SHTN1: variants seen among roughly 807,000 people sequenced by gnomAD.
The protein encoded by SHTN1 is shootin 1, also known as shootin-1.
SHTN1 carries 42 observed loss-of-function variants against 83.1 expected under a neutral mutation model. The ratio of observed to expected loss-of-function variants is 0.51; its 90% CI spans 0.39 to 0.65. The LOEUF is 0.65. Among genes scored for constraint, SHTN1 ranks in the 30% least tolerant of loss-of-function variants. The pLI is 0.00. For missense variants in SHTN1, 622 were observed against 737.8 expected (o/e 0.84, Z 1.82); for synonymous variants, 224 against 247.7 (o/e 0.90, Z 0.90).
intron 9 of SHTN1, among the ~76,000 whole-genome samples, chr10:116,930,257 T>G (rs914400385): frequency 6.6e-6 from 1 of 152,118 alleles, no homozygotes. Flanking sequence ...TATTTTAGGT[T>G]CGGGGTACAT....
chr10:116,908,578 C>T (rs148255500), intron 14 of SHTN1, among the ~76,000 whole-genome samples: 32 of 152,292 alleles, frequency 2.1e-4, no homozygotes, highest in African/African-American at 7.7e-4. Flanking sequence ...ACATGGTCAT[C>T]ACTACTAAAA....
rs1344984527 is a variant in SHTN1 at position 117,017,478 on chromosome 10, G to A, written c.-123+30967C>T. Among the ~76,000 whole-genome samples the A allele has an allele frequency of 4.3e-3, 504 of 117,356 alleles. 4 individuals are homozygous for A. Among genetic ancestry groups the A allele is most frequent in the African/African-American group, 0.015 (479 of 31,728 alleles). The allele number at this position is 117,356 out of a possible 152,430, so 77.0% of individuals were successfully genotyped here. On this transcript the variant is annotated intron_variant, in intron 2 of 17. Coordinates refer to the SHTN1 transcript ENST00000392901. The stretch of plus-strand genomic sequence containing the variant: ...TGCACTCCAGCCTGGGCGACAGAGC[G>A]AGACTCCGTCTCAAAAAAAAAAAAA...
Position 116,881,683 on chromosome 10 carries a change from C to G in SHTN1, c.*4661G>C. On this transcript the variant is annotated 3_prime_UTR_variant, in exon 17 of 17. Transcript: ENST00000355371. ...TCCTCTGGATAGGGCTGTACACACC[C>G]CAGGTTCCAGCCACACCATCAGTAT... The G allele has an allele frequency of 1.4e-6, 2 of 1,476,632 alleles. No homozygotes were observed. Among genetic ancestry groups the G allele is most frequent in the Non-Finnish European group, 1.8e-6 (2 of 1,108,872 alleles). 91.5% of individuals were successfully genotyped at this position (1,476,632 alleles called of 1,614,324 possible).
At chr10:116,953,165 G>C (rs1564894807) in intron 5 of SHTN1, among the ~76,000 whole-genome samples, 1 of 152,152 alleles carries the variant, frequency 6.6e-6, no homozygotes, top group Non-Finnish European at 1.5e-5. Flanking sequence ...AAATTAAAAT[G>C]TTCCAATAGT....
chr10:117,003,103 T>A (rs1705578908), intron 1 of SHTN1, among the ~76,000 whole-genome samples: 1 of 152,090 alleles, frequency 6.6e-6, no homozygotes, highest in South Asian at 2.1e-4. Context: ...GGGAAAATTT[T>A]TTTATGTTTA....
intron 1 of SHTN1, among the ~76,000 whole-genome samples, chr10:117,056,069 G>C (rs1852822968): frequency 6.6e-6 from 1 of 152,006 alleles, no homozygotes; most frequent in African/African-American, 2.4e-5. Context: ...CAAAGAAGTT[G>C]AATTGTAATT....
intron 4 of SHTN1, among the ~76,000 whole-genome samples, chr10:116,958,586 T>G (rs1850066086): frequency 6.6e-6 from 1 of 152,130 alleles, no homozygotes; most frequent in Non-Finnish European, 1.5e-5. Context: ...CTAGAGCCAA[T>G]GGATCTGGGG....
rs183587747 is a variant in SHTN1, at chr10:117,068,953, A to C, written c.-188-20443T>G. 2.9e-3 allele frequency among the ~76,000 whole-genome samples: 436 copies of C among 152,222 alleles called. 1 individual carries two copies. Among genetic ancestry groups the C allele is most frequent in the Non-Finnish European group, 4.5e-3 (306 of 68,016 alleles). On this transcript the variant is annotated intron_variant, in intron 1 of 17. Coordinates refer to the SHTN1 transcript ENST00000392901. ...TTAAAGAATCATCTACCTATATAGG[A>C]AACAGTGAGAAATGGATAAACTTGC...
intron 3 of SHTN1, among the ~76,000 whole-genome samples, chr10:116,960,578 A>G (rs186336803): frequency 2.9e-4 from 44 of 152,330 alleles, no homozygotes; most frequent in South Asian, 1.0e-3. Context: ...TTTCATAAAT[A>G]AAGAGGAGTG....
intron 9 of SHTN1, among the ~76,000 whole-genome samples, chr10:116,936,442 G>C (rs1442850911): frequency 6.6e-6 from 1 of 152,214 alleles, no homozygotes; most frequent in African/African-American, 2.4e-5. Flanking sequence ...TAGTCATTAA[G>C]AAGCAGGTTG....
intron 2 of SHTN1, among the ~76,000 whole-genome samples, 184 bp downstream of exon 2, chr10:116,979,072 C>G (rs1046891260): frequency 1.3e-5 from 2 of 152,192 alleles, no homozygotes; most frequent in Non-Finnish European, 2.9e-5. Context: ...GCCTGCTATT[C>G]TTTACCATCT....
chr10:117,005,382 C>T, upstream of SHTN1: 5 of 1,202,018 alleles, frequency 4.2e-6, no homozygotes, highest in Non-Finnish European at 5.2e-6. Flanking sequence ...GCCGGCGCGG[C>T]AGGACGCGCT....
chr10:117,062,246 T>G (rs1852914287), intron 1 of SHTN1, among the ~76,000 whole-genome samples: 1 of 152,196 alleles, frequency 6.6e-6, no homozygotes, highest in African/African-American at 2.4e-5. Context: ...GAGAATGATA[T>G]GATTTATAGG....
chr10:116,956,472 A>G (rs539227493), intron 4 of SHTN1, among the ~76,000 whole-genome samples: 1 of 152,336 alleles, frequency 6.6e-6, no homozygotes, highest in South Asian at 2.1e-4. Context: ...TAAAGTATTT[A>G]ATATAGTAAC....
At chr10:117,068,183 G>A (rs902469615) in intron 1 of SHTN1, among the ~76,000 whole-genome samples, 3 of 152,106 alleles carry the variant, frequency 2.0e-5, no homozygotes, top group Admixed American at 1.3e-4. Context: ...CTTGAGTTCC[G>A]AAATTCGAGA....
chr10:116,975,163 G>A (rs752497401), intron 2 of SHTN1, among the ~76,000 whole-genome samples: 5 of 151,968 alleles, frequency 3.3e-5, no homozygotes, highest in East Asian at 1.9e-4. Flanking sequence ...AAAAAAACTC[G>A]CTGTTTTTAC....
intron 2 of SHTN1, among the ~76,000 whole-genome samples, chr10:117,034,023 C>A (rs776437059): frequency 5.9e-5 from 9 of 151,346 alleles, no homozygotes; most frequent in East Asian, 2.0e-4. Flanking sequence ...AAGGAACATA[C>A]CTCAACATAA....
At chr10:117,116,561 A>G (rs944089941) in intron 1 of SHTN1, among the ~76,000 whole-genome samples, 10 of 152,154 alleles carry the variant, frequency 6.6e-5, no homozygotes, top group Non-Finnish European at 1.3e-4. Context: ...TTCATTCTAT[A>G]AGGCCAACAT....
intron 1 of SHTN1, among the ~76,000 whole-genome samples, chr10:116,990,793 T>C (rs890020531): frequency 1.3e-5 from 2 of 152,188 alleles, no homozygotes; most frequent in African/African-American, 4.8e-5. Context: ...ACACAGGTTA[T>C]TGGGCCTTTC....
Sources: gnomAD v4.1 joint callset for allele counts (sites outside exome capture counted in the v4.1 genomes callset) on GRCh38, gnomAD v4.1.1 for gene constraint, MANE v1.5 for transcripts, NCBI Gene and HGNC (gene_info 2026-07-23, HGNC 2026-07-21) for gene names.